Variants in ARFGAP3 observed in about 807,000 individuals in gnomAD.
The protein encoded by ARFGAP3 is ARF GTPase activating protein 3.
A neutral mutation model predicts 75.0 loss-of-function variants in ARFGAP3; 72 were observed. That is an observed-to-expected ratio of 0.96 (90% CI 0.79 to 1.17). The LOEUF is 1.17. Among genes scored for constraint, ARFGAP3 ranks in the 50% most tolerant of loss-of-function variants. The pLI is 0.00. For synonymous variants in ARFGAP3, 221 were observed against 217.9 expected, an observed-to-expected ratio of 1.01 and a Z score of -0.13; for missense variants, 620 against 626.6, an observed-to-expected ratio of 0.99 and a Z score of 0.11.
rs1316194654 is a variant in ARFGAP3 at position 42,823,674 on chromosome 22, T to C, written c.654A>G (p.Pro218=). The C allele has an allele frequency of 6.4e-7, 1 of 1,572,778 alleles. No homozygotes were observed. The highest frequency in any genetic ancestry group is 2.3e-5 in the East Asian group (1 of 44,004). The part of the protein sequence containing the change: ...LEVSSIIKKK[P]NQAKKGLGAK... The stretch of plus-strand genomic sequence containing the variant: ...TACTCACGCCTTTTTTAGCTTGATT[T>C]GGTTTCTTTTTTATGATAGAGGATA... The change falls in exon 8 of 16, where the codon CCA becomes CCG. Residue 218 remains proline, a synonymous_variant. Transcript: ENST00000263245.
chr22:42,834,095 T>C (rs1003794065), intron 5 of ARFGAP3, 147 bp downstream of exon 5: 11 of 749,194 alleles, frequency 1.5e-5, no homozygotes, highest in East Asian at 1.4e-4. Flanking sequence ...CTTGGAATTG[T>C]TGATAATGTC....
intron 1 of ARFGAP3, among the ~76,000 whole-genome samples, chr22:42,852,567 C>T (rs1927324569): frequency 6.6e-6 from 1 of 151,842 alleles, no homozygotes; most frequent in East Asian, 1.9e-4. Flanking sequence ...CACCATGTTG[C>T]CCAGGCTGGT....
intron 2 of ARFGAP3, among the ~76,000 whole-genome samples, chr22:42,845,268 T>C (rs978949247): frequency 1.3e-5 from 2 of 149,068 alleles, no homozygotes; most frequent in Non-Finnish European, 1.5e-5. Context: ...TTAGCCGGGG[T>C]AATCCCAGCA....
At chr22:42,839,105 G>A (rs1369558248) in intron 3 of ARFGAP3, among the ~76,000 whole-genome samples, 12 of 104,892 alleles carry the variant, frequency 1.1e-4, no homozygotes, top group South Asian at 9.5e-4. Flanking sequence ...GCAAGATTCC[G>A]TCTCAAAAAA....
intron 1 of ARFGAP3, among the ~76,000 whole-genome samples, chr22:42,850,142 CG>C (rs1312356382): frequency 1.3e-5 from 2 of 152,008 alleles, no homozygotes; most frequent in African/African-American, 2.4e-5. Context: ...AGTCACGCGT[CG>C]GAAGTGTGCT....
intron 15 of ARFGAP3, among the ~76,000 whole-genome samples, chr22:42,798,102 A>G (rs1924685776): frequency 6.6e-6 from 1 of 152,236 alleles, no homozygotes; most frequent in Admixed American, 6.5e-5. Context: ...CCATCTATAA[A>G]ATAGGGATGT....
At chr22:42,847,360 C>G in intron 2 of ARFGAP3, 154 bp downstream of exon 2, 1 of 626,816 alleles carries the variant, frequency 1.6e-6, no homozygotes, top group Non-Finnish European at 2.8e-6. Flanking sequence ...AGGCTGAGTT[C>G]ACTTGAGCCC....
intron 1 of ARFGAP3, among the ~76,000 whole-genome samples, 180 bp downstream of exon 1, chr22:42,856,934 G>T (rs1927531424): frequency 6.7e-6 from 1 of 150,094 alleles, no homozygotes; most frequent in African/African-American, 2.4e-5. Context: ...TCCCGCCCGG[G>T]CCTCTCAGCT....
At chr22:42,844,272 T>C (rs781124514) in intron 2 of ARFGAP3, among the ~76,000 whole-genome samples, 3 of 152,028 alleles carry the variant, frequency 2.0e-5, no homozygotes, top group Admixed American at 6.6e-5. Flanking sequence ...GGTGAGATCA[T>C]AGCTCACTGC....
At chr22:42,808,379 CAGA>C (rs1447994116) in intron 13 of ARFGAP3, among the ~76,000 whole-genome samples, 2 of 145,730 alleles carry the variant, frequency 1.4e-5, no homozygotes, top group Non-Finnish European at 3.0e-5. Context: ...GCCTGGGTGA[CAGA>C]AGGAGGCTCC....
At chr22:42,813,358 T>G (rs534290713) in intron 11 of ARFGAP3, among the ~76,000 whole-genome samples, 78 of 152,238 alleles carry the variant, frequency 5.1e-4, no homozygotes, top group Non-Finnish European at 1.5e-5. Flanking sequence ...GAGGCTGGAC[T>G]GCCCTGGAGT....
chr22:42,808,061 C>G (rs1455671501), intron 13 of ARFGAP3, among the ~76,000 whole-genome samples: 1 of 151,816 alleles, frequency 6.6e-6, no homozygotes, highest in Admixed American at 6.6e-5. Context: ...ATTAACATTT[C>G]TGAGAAAAGC....
intron 6 of ARFGAP3, 88 bp from the exon 7 acceptor site, chr22:42,827,087 T>TTC: frequency 7.0e-7 from 1 of 1,428,860 alleles, no homozygotes; most frequent in Non-Finnish European, 9.1e-7. Context: ...TGCTCAGTGC[T>TTC]ACATCTTATC....
At chr22:42,852,545 G>C (rs922864509) in intron 1 of ARFGAP3, among the ~76,000 whole-genome samples, 1 of 151,514 alleles carries the variant, frequency 6.6e-6, no homozygotes, top group Non-Finnish European at 1.5e-5. Context: ...ATTTTTAGTA[G>C]AGATGGGGTT....
intron 5 of ARFGAP3, among the ~76,000 whole-genome samples, chr22:42,832,752 G>A (rs1439821658): frequency 6.6e-6 from 1 of 151,952 alleles, no homozygotes; most frequent in African/African-American, 2.4e-5. Context: ...TTAGGAGGCC[G>A]AAGCAGGTGG....
chr22:42,827,022 T>C (rs1228293290), intron 6 of ARFGAP3, 23 bp from the exon 7 acceptor site: 1 of 1,612,806 alleles, frequency 6.2e-7, no homozygotes, highest in African/African-American at 1.3e-5. Context: ...AACATTGATA[T>C]TAGCGCAGAA....
At chr22:42,817,393 A>G (rs1925625464) in intron 10 of ARFGAP3, 129 bp from the exon 11 acceptor site, 2 of 1,322,854 alleles carry the variant, frequency 1.5e-6, no homozygotes, top group Non-Finnish European at 9.9e-7. Context: ...ATAAGCAATA[A>G]AACAATTTTT....
At chr22:42,842,304 CTTTTT>C (rs58205841) in intron 2 of ARFGAP3, among the ~76,000 whole-genome samples, 279 of 120,320 alleles carry the variant, frequency 2.3e-3, no homozygotes, top group Non-Finnish European at 3.4e-3. Context: ...CGTGCCTGGC[CTTTTT>C]TTTTTTTTTT....
rs562937970 is a variant in ARFGAP3 at position 42,833,309 on chromosome 22, C to CA, written c.477+932dup. 2.7e-3 allele frequency among the ~76,000 whole-genome samples: 411 copies of CA among 152,256 alleles called. 2 individuals are homozygous for CA. The highest frequency in any genetic ancestry group is 9.6e-3 in the African/African-American group (399 of 41,560). ...TATTAAAAATGTTTTCATTTTTAGT[C>CA]AGTTTCAGAGCTCTGAACTGAACTG... is the stretch of plus-strand genomic sequence containing the variant. On this transcript the variant is annotated intron_variant, in intron 5 of 15. Coordinates refer to ENST00000263245, the MANE Select transcript of ARFGAP3 (RefSeq NM_014570.5).
Sources: allele counts gnomAD v4.1 joint callset (sites outside exome capture counted in the v4.1 genomes callset), GRCh38; gene constraint gnomAD v4.1.1; transcripts MANE v1.5; gene names NCBI Gene and HGNC (gene_info 2026-07-23, HGNC 2026-07-21).